Variants in LTBP1 observed in about 807,000 individuals in gnomAD.
LTBP1 encodes the protein latent-transforming growth factor beta-binding protein 1.
A neutral mutation model predicts 207.6 loss-of-function variants in LTBP1; 129 were observed. The ratio of observed to expected loss-of-function variants is 0.62; its 90% CI spans 0.54 to 0.72. The LOEUF (loss-of-function observed/expected upper bound fraction) is 0.72, where lower values mean the gene tolerates loss of function less well. LTBP1 is among the 30% of genes least tolerant of loss of function. The probability of loss-of-function intolerance (pLI) is 0.00; values close to 1 mark genes in which losing one functional copy is unlikely to be tolerated. For synonymous variants in LTBP1, 963 were observed against 833.7 expected, an observed-to-expected ratio of 1.16 and a Z score of -2.67; for missense variants, 2,281 against 2,217.2, an observed-to-expected ratio of 1.03 and a Z score of -0.58.
intron 3 of LTBP1, among the ~76,000 whole-genome samples, chr2:33,021,618 A>T (rs990702784): frequency 6.6e-6 from 1 of 152,334 alleles, no homozygotes; most frequent in South Asian, 2.1e-4. Context: ...AAAGGTAAGA[A>T]CTCAGCTTGC....
chr2:33,199,256 C>T (rs894948770), intron 7 of LTBP1, among the ~76,000 whole-genome samples: 1 of 152,124 alleles, frequency 6.6e-6, no homozygotes, highest in African/African-American at 2.4e-5. Flanking sequence ...GCACTGTGGT[C>T]TGAGAGACAG....
At chr2:33,256,928 G>A (rs2092877492) in intron 11 of LTBP1, among the ~76,000 whole-genome samples, 1 of 149,594 alleles carries the variant, frequency 6.7e-6, no homozygotes, top group Non-Finnish European at 1.5e-5. Flanking sequence ...TATCCACAGG[G>A]GTTATCCTAG....
chr2:33,288,759 G>T (rs1377415704), intron 19 of LTBP1, among the ~76,000 whole-genome samples: 1 of 151,760 alleles, frequency 6.6e-6, no homozygotes, highest in African/African-American at 2.4e-5. Context: ...GGAGGCTGAG[G>T]CAGGAGAATC....
At chr2:33,064,625 C>G (rs1293704493) in intron 3 of LTBP1, among the ~76,000 whole-genome samples, 1 of 152,200 alleles carries the variant, frequency 6.6e-6, no homozygotes, top group East Asian at 1.9e-4. Context: ...TTTGCCTAAT[C>G]TTTGTGCCAG....
At position 33,121,159 on chromosome 2, in the gene LTBP1, CTTTT is replaced by C. The variant is rs61065486; in HGVS notation, c.1033+10429_1033+10432del. 1.3e-3 allele frequency among the ~76,000 whole-genome samples: 113 copies of C among 87,538 alleles called. 1 individual carries two copies. The South Asian group carries it at 0.041, about 32-fold the overall frequency. The allele number at this position is 87,538 out of a possible 152,430, so 57.4% of individuals were successfully genotyped here. On this transcript the variant is annotated intron_variant, in intron 4 of 33. Coordinates refer to ENST00000404816, the MANE Select transcript of LTBP1 (RefSeq NM_206943.4). ...TCAGTGGAAATAAATTTTGTAAAGT[CTTTT>C]TTTTTTTTTTTTTTTTTTTTAGTTT...
chr2:33,294,198 G>A (rs969271588), intron 20 of LTBP1, among the ~76,000 whole-genome samples: 11 of 150,564 alleles, frequency 7.3e-5, no homozygotes, highest in African/African-American at 2.7e-4. Flanking sequence ...TTGTTTCTTT[G>A]TTTTGGGTGT....
At chr2:33,116,181 A>G (rs1363378939) in intron 4 of LTBP1, among the ~76,000 whole-genome samples, 3 of 152,228 alleles carry the variant, frequency 2.0e-5, no homozygotes, top group Non-Finnish European at 2.9e-5. Flanking sequence ...CGAAGCTCCA[A>G]TTTAAGCATT....
At chr2:33,056,781 C>T (rs2077021029) in intron 3 of LTBP1, among the ~76,000 whole-genome samples, 1 of 151,898 alleles carries the variant, frequency 6.6e-6, no homozygotes, top group South Asian at 2.1e-4. Flanking sequence ...AGATTTATTG[C>T]AAAGAGCAAA....
At chr2:33,297,064 A>G (rs888169677) in intron 20 of LTBP1, among the ~76,000 whole-genome samples, 1 of 152,208 alleles carries the variant, frequency 6.6e-6, no homozygotes, top group Non-Finnish European at 1.5e-5. Context: ...AAGCTTCACA[A>G]AGGTATTGCT....
chr2:33,027,031 G>T (rs2075449324), intron 3 of LTBP1, among the ~76,000 whole-genome samples: 2 of 151,964 alleles, frequency 1.3e-5, no homozygotes, highest in South Asian at 4.2e-4. Flanking sequence ...AATACGGTGT[G>T]TTTTTTTTCA....
chr2:33,247,458 A>G (rs963527448), intron 10 of LTBP1, among the ~76,000 whole-genome samples: 4 of 152,132 alleles, frequency 2.6e-5, no homozygotes, highest in South Asian at 2.1e-4. Flanking sequence ...AGCCCATGGG[A>G]AAAAATCTGT....
At chr2:33,334,156 G>C (rs1190017612) in intron 24 of LTBP1, among the ~76,000 whole-genome samples, 1 of 152,216 alleles carries the variant, frequency 6.6e-6, no homozygotes, top group Non-Finnish European at 1.5e-5. Flanking sequence ...GAATGAATGA[G>C]AACTGATGGA....
At chr2:33,391,432 C>T (rs1156355225) in intron 32 of LTBP1, among the ~76,000 whole-genome samples, 7 of 152,064 alleles carry the variant, frequency 4.6e-5, no homozygotes, top group Admixed American at 2.6e-4. Flanking sequence ...GGTCAGTAAA[C>T]GTTTACTTAA....
At chr2:33,214,816 A>G (rs2090560906) in intron 7 of LTBP1, among the ~76,000 whole-genome samples, 1 of 151,634 alleles carries the variant, frequency 6.6e-6, no homozygotes, top group Non-Finnish European at 1.5e-5. Context: ...TTACTGACTT[A>G]CACTAGGGCT....
intron 31 of LTBP1, among the ~76,000 whole-genome samples, chr2:33,371,959 A>G (rs544640332): frequency 7.2e-5 from 11 of 152,360 alleles, no homozygotes; most frequent in African/African-American, 2.6e-4. Context: ...CATACTGTGT[A>G]TGCTACTTGC....
chr2:33,003,974 A>G (rs1479896935), intron 2 of LTBP1, among the ~76,000 whole-genome samples: 3 of 152,228 alleles, frequency 2.0e-5, no homozygotes, highest in African/African-American at 7.2e-5. Flanking sequence ...GTACCCAAGG[A>G]TAATTGTCTC....
chr2:33,262,464 G>A (rs2093042116), intron 13 of LTBP1, among the ~76,000 whole-genome samples: 1 of 151,578 alleles, frequency 6.6e-6, no homozygotes, highest in Non-Finnish European at 1.5e-5. Flanking sequence ...TCAGGGAAAT[G>A]GCTGAAGATA....
intron 5 of LTBP1, among the ~76,000 whole-genome samples, chr2:33,169,779 A>G (rs2148383183): frequency 6.6e-6 from 1 of 152,354 alleles, no homozygotes; most frequent in African/African-American, 2.4e-5. Context: ...ACACGAGAGT[A>G]ATTTAAAAAT....
chr2:33,156,600 C>G (rs1319093462), intron 5 of LTBP1, among the ~76,000 whole-genome samples: 1 of 152,128 alleles, frequency 6.6e-6, no homozygotes, highest in Non-Finnish European at 1.5e-5. Context: ...AGAATAATGT[C>G]CATATATAAG....
Sources: gnomAD v4.1 joint callset for allele counts (sites outside exome capture counted in the v4.1 genomes callset) on GRCh38, gnomAD v4.1.1 for gene constraint, MANE v1.5 for transcripts, NCBI Gene and HGNC (gene_info 2026-07-23, HGNC 2026-07-21) for gene names.